The following MAEA variants were observed in gnomAD, a reference collection of about 807,000 sequenced individuals.
MAEA encodes the protein macrophage erythroblast attacher, E3 ubiquitin ligase, also known as E3 ubiquitin-protein transferase MAEA.
Under a neutral mutation model 46.2 loss-of-function variants are expected in MAEA, and 22 were observed. The observed-to-expected ratio is 0.48, with a 90% CI of 0.34 to 0.68. The LOEUF (loss-of-function observed/expected upper bound fraction) is 0.68. Among genes scored for constraint, MAEA ranks in the 30% least tolerant of loss-of-function variants. The pLI is 0.01. For synonymous variants in MAEA, 246 were observed against 222.6 expected (o/e 1.11, Z -0.94); for missense variants, 393 against 558.1 (o/e 0.70, Z 2.98).
chr4:1,293,254 C>T (rs369709856), intron 1 of MAEA, among the ~76,000 whole-genome samples: 22 of 150,864 alleles, frequency 1.5e-4, no homozygotes, highest in East Asian at 9.7e-4. Flanking sequence ...GAGTTGGGTG[C>T]GGTGGTGTGC....
chr4:1,301,949 A>T (rs374314629), intron 1 of MAEA, among the ~76,000 whole-genome samples: 1 of 147,846 alleles, frequency 6.8e-6, no homozygotes, highest in Non-Finnish European at 1.5e-5. Context: ...ATTTATACCA[A>T]CTCTTCTAAA....
chr4:1,292,098 A>T (rs1333934164), intron 1 of MAEA, among the ~76,000 whole-genome samples: 1 of 152,186 alleles, frequency 6.6e-6, no homozygotes, highest in East Asian at 1.9e-4. Context: ...CAGATGTCAG[A>T]GAAGGGACCG....
intron 6 of MAEA, among the ~76,000 whole-genome samples, chr4:1,336,557 C>T (rs987067328): frequency 6.6e-6 from 1 of 152,072 alleles, no homozygotes; most frequent in South Asian, 2.1e-4. Context: ...ATACTGGCCT[C>T]GCAGTGTGTT....
chr4:1,326,052 G>A (rs536047591), intron 4 of MAEA, among the ~76,000 whole-genome samples: 11 of 152,296 alleles, frequency 7.2e-5, no homozygotes, highest in South Asian at 4.1e-4. Flanking sequence ...GGTGGCCCCC[G>A]GGGGTCTGGG....
chr4:1,324,571 G>A (rs886574167), intron 4 of MAEA, among the ~76,000 whole-genome samples: 3 of 149,322 alleles, frequency 2.0e-5, no homozygotes, highest in Non-Finnish European at 4.5e-5. Context: ...CCTGGTGTTG[G>A]ATGAGTTGAG....
chr4:1,318,814 C>A (rs544390516), intron 3 of MAEA, among the ~76,000 whole-genome samples: 1 of 152,268 alleles, frequency 6.6e-6, no homozygotes, highest in South Asian at 2.1e-4. Flanking sequence ...ACCAAAATTC[C>A]TGTGCACCAA....
chr4:1,291,499 G>A (rs769030912), intron 1 of MAEA, among the ~76,000 whole-genome samples: 6 of 152,218 alleles, frequency 3.9e-5, no homozygotes, highest in Non-Finnish European at 8.8e-5. Context: ...GCAGCTGAGA[G>A]AAGTCTATAC....
rs538728774 is a variant in MAEA, at chr4:1,328,640, G to A, written c.656+937G>A. 3,004 of 1,270,108 alleles carry A rather than the reference G, an allele frequency of 2.4e-3. 6 individuals carry two copies. Among genetic ancestry groups the A allele is most frequent in the Non-Finnish European group, 2.4e-3 (2,397 of 978,548 alleles). 78.7% of individuals were successfully genotyped at this position (1,270,108 alleles called of 1,614,324 possible). On this transcript the variant is annotated intron_variant, in intron 5 of 8. Transcript: ENST00000303400. Reference sequence around the variant, plus strand: ...ACTCCATATCCACCTGCAGTGGGCCGGGTGGCCGAGTGTTCCACAGAAGGC... The same window carrying A: ...ACTCCATATCCACCTGCAGTGGGCCAGGTGGCCGAGTGTTCCACAGAAGGC...
chr4:1,327,383 G>A (rs1738981210), intron 4 of MAEA, among the ~76,000 whole-genome samples: 1 of 152,256 alleles, frequency 6.6e-6, no homozygotes, highest in Non-Finnish European at 1.5e-5. Context: ...CTGGGCGGCT[G>A]CACGCCCCAC....
chr4:1,311,922 G>GGCTGGT lies in MAEA; in HGVS notation c.70-55_70-50dup. 5 of 1,509,020 alleles carry GGCTGGT rather than the reference G, an allele frequency of 3.3e-6. No individual in the cohort carries two copies. Among genetic ancestry groups the GGCTGGT allele is most frequent in the Non-Finnish European group, 4.5e-6 (5 of 1,100,180 alleles). The allele number at this position is 1,509,020 out of a possible 1,614,324, so 93.5% of individuals were successfully genotyped here. ...GAGACCTGGTGTGTCCTGGGTGTGG[G>GGCTGGT]GCTGGTGGGGCTCACACCAGGGGAG... On this transcript the variant is annotated intron_variant, in intron 1 of 8. Coordinates refer to ENST00000303400, the MANE Select transcript of MAEA (RefSeq NM_001017405.3). This position sits in a 1 kb window ranked among gnomAD's most constrained non-coding sequence, Gnocchi z 4.4.
chr4:1,295,413 C>T (rs1396378679), intron 1 of MAEA, among the ~76,000 whole-genome samples: 4 of 152,014 alleles, frequency 2.6e-5, no homozygotes, highest in African/African-American at 9.7e-5. Flanking sequence ...AAGAAAGCAC[C>T]TGCTGTGCTG....
chr4:1,322,003 C>T (rs1042956838), intron 3 of MAEA, among the ~76,000 whole-genome samples: 2 of 151,942 alleles, frequency 1.3e-5, no homozygotes, highest in African/African-American at 4.8e-5. Context: ...GAGGGGGCTG[C>T]CCAGGGAGGG....
chr4:1,321,727 C>T (rs147015069), intron 3 of MAEA, among the ~76,000 whole-genome samples: 4 of 152,272 alleles, frequency 2.6e-5, no homozygotes, highest in Admixed American at 6.5e-5. Flanking sequence ...CAAGCCTTGC[C>T]GTGCCTGGTG....
At chr4:1,295,614 C>G (rs566359563) in intron 1 of MAEA, among the ~76,000 whole-genome samples, 1 of 150,642 alleles carries the variant, frequency 6.6e-6, no homozygotes, top group African/African-American at 2.5e-5. Flanking sequence ...CTCCCACACC[C>G]GTGGTGGATG....
intron 7 of MAEA, chr4:1,337,401 T>C: frequency 5.0e-6 from 1 of 198,842 alleles, no homozygotes. Context: ...TCTGTCTGCC[T>C]GTGACTCTGT....
At chr4:1,333,443 C>T (rs1369651151) in intron 6 of MAEA, among the ~76,000 whole-genome samples, 2 of 152,168 alleles carry the variant, frequency 1.3e-5, no homozygotes, top group African/African-American at 4.8e-5. Flanking sequence ...TCTCCTTTCT[C>T]TACAGCCCCT....
intron 3 of MAEA, among the ~76,000 whole-genome samples, chr4:1,321,113 A>G (rs1050677502): frequency 1.8e-4 from 27 of 152,124 alleles, no homozygotes; most frequent in African/African-American, 6.5e-4. Flanking sequence ...AAAACAAACA[A>G]AAGCACACAT....
chr4:1,289,896 T>A lies in MAEA; in HGVS notation c.-18T>A, dbSNP rs769853440. ...CGCTCGCGCGTCCCCCGCCCGCTAA[T>A]GTTTTGGCCGCTTCAAGATGGCGGT... On this transcript the variant is annotated 5_prime_UTR_variant, in exon 1 of 9. An upstream start codon of the reference 5' UTR is lost. Transcript: ENST00000303400. The A allele has an allele frequency of 1.9e-6, 3 of 1,589,798 alleles. No homozygotes were observed. The highest frequency in any genetic ancestry group is 1.3e-5 in the African/African-American group (1 of 74,086).
intron 1 of MAEA, among the ~76,000 whole-genome samples, chr4:1,309,203 T>G (rs2108897478): frequency 6.6e-6 from 1 of 152,374 alleles, no homozygotes; most frequent in South Asian, 2.1e-4. Context: ...TGTGCTCAGC[T>G]TTCAGCCCTT....
Sources: allele counts gnomAD v4.1 joint callset (sites outside exome capture counted in the v4.1 genomes callset), GRCh38; gene constraint gnomAD v4.1.1; non-coding constraint Gnocchi (gnomAD v3.1); transcripts MANE v1.5; gene names NCBI Gene and HGNC (gene_info 2026-07-23, HGNC 2026-07-21).